The following TMCC1 variants were observed in gnomAD, a reference collection of about 807,000 sequenced individuals.
The protein encoded by TMCC1 is transmembrane and coiled-coil domain family 1, also known as transmembrane and coiled-coil domains protein 1.
A neutral mutation model predicts 52.4 loss-of-function variants in TMCC1; 15 were observed. The ratio of observed to expected loss-of-function variants is 0.29; its 90% CI spans 0.19 to 0.44. TMCC1 has a LOEUF of 0.44. TMCC1 is among the 20% of genes least tolerant of loss of function. The pLI is 1.00. For synonymous variants in TMCC1, 279 were observed against 301.9 expected (o/e 0.92, Z 0.79); for missense variants, 503 against 806.0 (o/e 0.62, Z 4.55).
chr3:129,809,386 G>A (rs945663616), intron 4 of TMCC1, among the ~76,000 whole-genome samples: 4 of 152,048 alleles, frequency 2.6e-5, no homozygotes, highest in Non-Finnish European at 5.9e-5. Context: ...AAGCAGATAT[G>A]ACTTTTAAAT....
intron 1 of TMCC1, among the ~76,000 whole-genome samples, chr3:129,888,450 C>T (rs1385414321): frequency 1.3e-5 from 2 of 152,136 alleles, no homozygotes; most frequent in African/African-American, 4.8e-5. Context: ...TTTGTAACAC[C>T]ATTCTTCAAT....
chr3:129,768,373 TTAGAAA>T (rs1237263745), intron 4 of TMCC1, among the ~76,000 whole-genome samples: 1 of 152,132 alleles, frequency 6.6e-6, no homozygotes, highest in African/African-American at 2.4e-5. Context: ...GCCCATATAT[TTAGAAA>T]TAAAGATCTT....
chr3:129,838,940 G>A (rs1440139784), intron 2 of TMCC1, among the ~76,000 whole-genome samples: 1 of 152,114 alleles, frequency 6.6e-6, no homozygotes, highest in African/African-American at 2.4e-5. Flanking sequence ...ACTTTAAAGT[G>A]CTGAAAAGAA....
At chr3:129,760,117 C>G (rs1219005969) in intron 4 of TMCC1, among the ~76,000 whole-genome samples, 1 of 152,096 alleles carries the variant, frequency 6.6e-6, no homozygotes, top group African/African-American at 2.4e-5. Context: ...CTTATAACCC[C>G]TCTTCCCTGC....
intron 2 of TMCC1, among the ~76,000 whole-genome samples, chr3:129,838,480 G>A (rs2059268037): frequency 6.6e-6 from 1 of 151,996 alleles, no homozygotes; most frequent in Non-Finnish European, 1.5e-5. Flanking sequence ...AGGGGGCTGG[G>A]CACGGTGGCT....
At chr3:129,730,148 C>T (rs1377988303) in intron 4 of TMCC1, among the ~76,000 whole-genome samples, 3 of 152,056 alleles carry the variant, frequency 2.0e-5, no homozygotes, top group Non-Finnish European at 4.4e-5. Flanking sequence ...CATTTTAAGT[C>T]AGGAACCATC....
In TMCC1 at chr3:129,734,700, A is replaced by G. The variant is rs148647476; in HGVS notation, c.577-63436T>C. 2.8e-4 allele frequency among the ~76,000 whole-genome samples: 42 copies of G among 152,264 alleles called. 1 individual carries two copies. The East Asian group carries it at 5.0e-3, about 18-fold the overall frequency. On this transcript the variant is annotated intron_variant, in intron 4 of 6. Coordinates refer to ENST00000393238, the MANE Select transcript of TMCC1 (RefSeq NM_001017395.5). Reference sequence around the variant, plus strand: ...TCTGTCTCAAAAAACACAAAAGAATAAAACACATATGTTAATGAAAAACAC... The same window carrying G: ...TCTGTCTCAAAAAACACAAAAGAATGAAACACATATGTTAATGAAAAACAC...
intron 4 of TMCC1, among the ~76,000 whole-genome samples, chr3:129,774,599 C>A (rs569598044): frequency 5.3e-4 from 81 of 152,134 alleles, no homozygotes; most frequent in Non-Finnish European, 8.5e-4. Context: ...AAAAGAGGGG[C>A]AACTAACCTA....
chr3:129,790,895 T>G (rs1042699375), intron 4 of TMCC1, among the ~76,000 whole-genome samples: 1 of 152,112 alleles, frequency 6.6e-6, no homozygotes, highest in African/African-American at 2.4e-5. Context: ...GAAAACAAAT[T>G]TAATTATGGG....
chr3:129,812,403 G>A (rs376686036), intron 4 of TMCC1, among the ~76,000 whole-genome samples: 1 of 132,512 alleles, frequency 7.5e-6, no homozygotes, highest in Non-Finnish European at 1.6e-5. Context: ...GAGGAAAGAA[G>A]AACACCACAA....
chr3:129,797,161 C>T (rs1172694167), intron 4 of TMCC1, among the ~76,000 whole-genome samples: 1 of 151,972 alleles, frequency 6.6e-6, no homozygotes, highest in African/African-American at 2.4e-5. Context: ...CCCATCTCTA[C>T]TAAAAATACA....
At chr3:129,652,727 C>T (rs994111007) in intron 6 of TMCC1, among the ~76,000 whole-genome samples, 2 of 152,244 alleles carry the variant, frequency 1.3e-5, no homozygotes, top group African/African-American at 4.8e-5. Context: ...AGTCTTTACA[C>T]AAAGCTTAAC....
chr3:129,725,872 G>C (rs1180230960), intron 4 of TMCC1, among the ~76,000 whole-genome samples: 1 of 152,188 alleles, frequency 6.6e-6, no homozygotes, highest in Non-Finnish European at 1.5e-5. Flanking sequence ...GTCTGGGAAA[G>C]CAGTAAACAG....
At chr3:129,790,372 TA>T (rs1237886024) in intron 4 of TMCC1, among the ~76,000 whole-genome samples, 1 of 152,180 alleles carries the variant, frequency 6.6e-6, no homozygotes, top group East Asian at 1.9e-4. Flanking sequence ...AACAGTGGGA[TA>T]AATAAGAAAC....
rs1012338448 is a variant in TMCC1 at position 129,832,071 on chromosome 3, G to A, written c.-131+703C>T. Among the ~76,000 whole-genome samples the A allele has an allele frequency of 3.3e-5, 5 of 152,136 alleles. No individual in the cohort carries two copies. In the East Asian group the frequency reaches 9.7e-4, roughly 29 times the overall value. On this transcript the variant is annotated intron_variant, in intron 3 of 6. Transcript: ENST00000393238. ...GGGGTTTCGCCATGTTGACCAGGCT[G>A]GTCTCGAACTCCTGACCTCAAGTGA...
intron 4 of TMCC1, among the ~76,000 whole-genome samples, chr3:129,769,839 G>A (rs1162319595): frequency 6.6e-6 from 1 of 152,140 alleles, no homozygotes; most frequent in Non-Finnish European, 1.5e-5. Flanking sequence ...GATTTAAAGA[G>A]CGAAACGGCA....
chr3:129,787,908 G>A (rs2056154211), intron 4 of TMCC1, among the ~76,000 whole-genome samples: 1 of 152,158 alleles, frequency 6.6e-6, no homozygotes, highest in South Asian at 2.1e-4. Flanking sequence ...AGAATAACAA[G>A]TCTAAAATTT....
intron 2 of TMCC1, among the ~76,000 whole-genome samples, chr3:129,844,275 A>C (rs1560533080): frequency 6.6e-6 from 1 of 152,334 alleles, no homozygotes; most frequent in African/African-American, 2.4e-5. Context: ...TAAAAAGCTA[A>C]AAAATCGAGA....
At chr3:129,842,735 A>C (rs566918358) in intron 2 of TMCC1, among the ~76,000 whole-genome samples, 19 of 152,300 alleles carry the variant, frequency 1.2e-4, no homozygotes, top group African/African-American at 4.1e-4. Context: ...AATCAATAAC[A>C]AAATATATTA....
Sources: allele counts gnomAD v4.1 joint callset (sites outside exome capture counted in the v4.1 genomes callset), GRCh38; gene constraint gnomAD v4.1.1; transcripts MANE v1.5; gene names NCBI Gene and HGNC (gene_info 2026-07-23, HGNC 2026-07-21).